The following ADRA1B variants were observed in gnomAD, a reference collection of about 807,000 sequenced individuals.
ADRA1B encodes the protein adrenoceptor alpha 1B.
Under a neutral mutation model 17.9 loss-of-function variants are expected in ADRA1B, and 17 were observed. The observed-to-expected ratio is 0.95, with a 90% CI of 0.65 to 1.42. The LOEUF (loss-of-function observed/expected upper bound fraction) is 1.42, where lower values mean the gene tolerates loss of function less well. Among genes scored for constraint, ADRA1B ranks in the 40% most tolerant of loss-of-function variants. ADRA1B has a pLI of 0.00. For synonymous variants in ADRA1B, 366 were observed against 327.6 expected, an observed-to-expected ratio of 1.12 and a Z score of -1.27; for missense variants, 681 against 722.1, an observed-to-expected ratio of 0.94 and a Z score of 0.65.
chr5:159,981,652 C>A, the ADRA1B span, among the ~76,000 whole-genome samples: 1 of 152,118 alleles, frequency 6.6e-6, no homozygotes, highest in African/African-American at 2.4e-5. Flanking sequence ...CCCACCACCA[C>A]GCCCAGCTTA....
chr5:159,924,122 C>T (rs374991067), intron 1 of ADRA1B, among the ~76,000 whole-genome samples: 8 of 152,180 alleles, frequency 5.3e-5, no homozygotes, highest in African/African-American at 4.8e-5. Context: ...TGGCTTATGA[C>T]GAATCAGAAA....
At chr5:159,984,670 G>T in the ADRA1B span, among the ~76,000 whole-genome samples, 1 of 151,914 alleles carries the variant, frequency 6.6e-6, no homozygotes, top group Non-Finnish European at 1.5e-5. Flanking sequence ...GGCCGAGGTG[G>T]GTGGATCACC....
At position 159,962,669 on chromosome 5, in the gene ADRA1B, C is replaced by CTTTT. The variant is rs113639158; in HGVS notation, c.950-9194_950-9191dup. On this transcript the variant is annotated intron_variant, in intron 1 of 1. Coordinates refer to ENST00000306675, the MANE Select transcript of ADRA1B (RefSeq NM_000679.4). ...CAGCATCTTTTGGCTTGTTTTTCAGCTTTTTTTTTTTTTTTTTTTGAGACA... is the reference window on the plus strand; with the variant it reads ...CAGCATCTTTTGGCTTGTTTTTCAGCTTTTTTTTTTTTTTTTTTTTTTTGAGACA... Among the ~76,000 whole-genome samples, 71 of 124,852 alleles carry CTTTT rather than the reference C, an allele frequency of 5.7e-4. 1 individual carries two copies. Among genetic ancestry groups the CTTTT allele is most frequent in the African/African-American group, 2.0e-3 (65 of 32,352 alleles). 81.9% of individuals were successfully genotyped at this position (124,852 alleles called of 152,430 possible). A position where few individuals can be genotyped will look rare whatever the true frequency, so the allele number is the denominator to read the frequency against.
At chr5:159,977,514 T>C (rs771944456), downstream of ADRA1B, among the ~76,000 whole-genome samples, 23 of 152,128 alleles carry the variant, frequency 1.5e-4, no homozygotes, top group South Asian at 6.2e-4. Context: ...TGCAAGGAGG[T>C]TGCCCCCCAA....
intron 1 of ADRA1B, chr5:159,865,354 T>C (rs546994742): frequency 6.6e-6 from 1 of 152,148 alleles, no homozygotes; most frequent in African/African-American, 2.4e-5. Flanking sequence ...TCATAAATCA[T>C]TCATGGTGCT....
chr5:159,895,948 C>T (rs1003454549), intron 1 of ADRA1B, among the ~76,000 whole-genome samples: 9 of 152,190 alleles, frequency 5.9e-5, no homozygotes, highest in African/African-American at 1.7e-4. Context: ...GCTATGAAAG[C>T]AAGTATCTCT....
chr5:159,878,520 AT>A (rs149547366), intron 1 of ADRA1B, among the ~76,000 whole-genome samples: 2,541 of 152,306 alleles, frequency 0.017, 67 homozygotes, highest in African/African-American at 0.058. Flanking sequence ...CTAATGTGTT[AT>A]TGGCTGATAA....
At chr5:159,897,666 T>C (rs1754053784) in intron 1 of ADRA1B, among the ~76,000 whole-genome samples, 1 of 152,184 alleles carries the variant, frequency 6.6e-6, no homozygotes. Flanking sequence ...AGTTGTCCTG[T>C]ATGGGTCTTT....
chr5:159,886,644 T>A (rs1753925022), intron 1 of ADRA1B, among the ~76,000 whole-genome samples: 2 of 152,178 alleles, frequency 1.3e-5, no homozygotes, highest in Non-Finnish European at 2.9e-5. Context: ...AGGCCTTGGA[T>A]TGTCCATGAG....
chr5:159,919,486 C>G (rs1303258942), intron 1 of ADRA1B, among the ~76,000 whole-genome samples: 9 of 152,198 alleles, frequency 5.9e-5, no homozygotes, highest in Admixed American at 5.9e-4. Context: ...CAAAACAGGG[C>G]TGATTAATAT....
At chr5:159,949,125 T>C (rs1755354305) in intron 1 of ADRA1B, among the ~76,000 whole-genome samples, 1 of 152,222 alleles carries the variant, frequency 6.6e-6, no homozygotes, top group African/African-American at 2.4e-5. Flanking sequence ...TACATAAAAC[T>C]GTAAGGCTTT....
At chr5:159,956,391 A>G (rs1755550625) in intron 1 of ADRA1B, among the ~76,000 whole-genome samples, 1 of 150,428 alleles carries the variant, frequency 6.6e-6, no homozygotes, top group East Asian at 1.9e-4. Flanking sequence ...GTTGGCTGTA[A>G]CTATACCAAA....
chr5:159,950,805 GC>G, intron 1 of ADRA1B: 1 of 595,458 alleles, frequency 1.7e-6, no homozygotes, highest in Non-Finnish European at 3.1e-6. Context: ...GGACACAGAA[GC>G]CCATGTCAGT....
At chr5:159,875,931 G>T (rs761558480) in intron 1 of ADRA1B, among the ~76,000 whole-genome samples, 1 of 152,200 alleles carries the variant, frequency 6.6e-6, no homozygotes, top group Non-Finnish European at 1.5e-5. Context: ...GCTCACGCCC[G>T]TAATCCCAAC....
chr5:159,946,518 G>A (rs982884837), intron 1 of ADRA1B, among the ~76,000 whole-genome samples: 1 of 152,198 alleles, frequency 6.6e-6, no homozygotes, highest in Non-Finnish European at 1.5e-5. Flanking sequence ...TTCCAAGTGT[G>A]TGTCTGTCAC....
intron 1 of ADRA1B, among the ~76,000 whole-genome samples, chr5:159,880,892 T>A (rs4921531): frequency 0.71 from 107,687 of 152,082 alleles, 39,919 homozygotes; most frequent in African/African-American, 0.88. Flanking sequence ...GTGTTGCCAC[T>A]TCTAGGTTAG....
chr5:159,886,267 T>C (rs1180169917), intron 1 of ADRA1B, among the ~76,000 whole-genome samples: 1 of 152,218 alleles, frequency 6.6e-6, no homozygotes, highest in Non-Finnish European at 1.5e-5. Context: ...GATCACATTC[T>C]CTGTTTGTCT....
At position 159,919,244 on chromosome 5, in the gene ADRA1B, A is replaced by G. The variant is rs147709588; in HGVS notation, c.949+1390A>G. 1.2e-3 allele frequency among the ~76,000 whole-genome samples: 178 copies of G among 152,170 alleles called. 1 individual carries two copies. Among genetic ancestry groups the G allele is most frequent in the African/African-American group, 4.0e-3 (165 of 41,520 alleles). On this transcript the variant is annotated intron_variant, in intron 1 of 1. Transcript: ENST00000306675. ...AGCAGAAAGGGTTTGAAAAAGTTCT[A>G]CTCCCCAGGCGTGATCACATACCAT...
At chr5:159,900,480 T>C (rs530544291) in intron 1 of ADRA1B, among the ~76,000 whole-genome samples, 1 of 152,294 alleles carries the variant, frequency 6.6e-6, no homozygotes, top group East Asian at 1.9e-4. Flanking sequence ...TTGGTTGTTA[T>C]GGTGAGTAGA....
Sources: allele counts gnomAD v4.1 joint callset (sites outside exome capture counted in the v4.1 genomes callset), GRCh38; gene constraint gnomAD v4.1.1; transcripts MANE v1.5; gene names NCBI Gene and HGNC (gene_info 2026-07-23, HGNC 2026-07-21).